FHIP1A: variants seen among roughly 807,000 people sequenced by gnomAD.
FHIP1A encodes the protein FHF complex subunit HOOK-interacting protein 1A.
Under a neutral mutation model 88.6 loss-of-function variants are expected in FHIP1A, and 61 were observed. The observed-to-expected ratio is 0.69, with a 90% confidence interval of 0.56 to 0.85. The LOEUF (loss-of-function observed/expected upper bound fraction) is 0.85, where lower values mean the gene tolerates loss of function less well. Ranked by LOEUF, FHIP1A falls within the 40% of genes least tolerant of loss-of-function variation. The pLI is 0.00. For missense variants in FHIP1A, 1,154 were observed against 1,273.5 expected, an observed-to-expected ratio of 0.91 and a Z score of 1.43; for synonymous variants, 478 against 496.0, an observed-to-expected ratio of 0.96 and a Z score of 0.48.
intron 3 of FHIP1A, among the ~76,000 whole-genome samples, chr4:151,525,911 G>C (rs564482903): frequency 6.1e-4 from 93 of 151,952 alleles, no homozygotes; most frequent in African/African-American, 2.2e-3. Context: ...GCGGCCTTCC[G>C]CAGTGTTTGT....
chr4:151,476,082 G>C (rs539058025), intron 2 of FHIP1A, among the ~76,000 whole-genome samples: 1 of 150,928 alleles, frequency 6.6e-6, no homozygotes, highest in Non-Finnish European at 1.5e-5. Flanking sequence ...GGATGGTCTC[G>C]ATCTTTTGAC....
intron 1 of FHIP1A, among the ~76,000 whole-genome samples, chr4:151,452,797 T>C (rs540766680): frequency 6.6e-6 from 1 of 151,700 alleles, no homozygotes; most frequent in South Asian, 2.1e-4. Context: ...AAAAGATACA[T>C]TTATATTCTA....
chr4:151,413,932 C>G (rs1409255408), intron 1 of FHIP1A, among the ~76,000 whole-genome samples: 6 of 152,124 alleles, frequency 3.9e-5, no homozygotes, highest in Non-Finnish European at 5.9e-5. Context: ...ACAAACCTCT[C>G]CCAGACAAGG....
intron 1 of FHIP1A, among the ~76,000 whole-genome samples, chr4:151,411,343 A>ATTCTTTTTTTTTTTTT (rs370374898): frequency 0.03 from 3,334 of 111,920 alleles, 333 homozygotes; most frequent in Non-Finnish European, 0.046. Context: ...GTGAAATTAT[A>ATTCTTTTTTTTTTTTT]TATATATTTT....
intron 1 of FHIP1A, among the ~76,000 whole-genome samples, chr4:151,429,848 C>CAAAA (rs34699507): frequency 1.9e-5 from 2 of 105,556 alleles, no homozygotes; most frequent in Admixed American, 1.0e-4. Flanking sequence ...GACTCTATCT[C>CAAAA]AAAAAAAAAA....
intron 9 of FHIP1A, among the ~76,000 whole-genome samples, chr4:151,646,253 G>C (rs1736786779): frequency 6.6e-6 from 1 of 152,238 alleles, no homozygotes. Flanking sequence ...AAAGGGGAAA[G>C]CACAGGCCAG....
chr4:151,449,983 T>C (rs1728736650), intron 1 of FHIP1A, among the ~76,000 whole-genome samples: 1 of 152,184 alleles, frequency 6.6e-6, no homozygotes, highest in East Asian at 1.9e-4. Flanking sequence ...CAGCCTTAAA[T>C]ATTGAGTACC....
At chr4:151,490,171 A>G (rs1730230522) in intron 3 of FHIP1A, among the ~76,000 whole-genome samples, 1 of 152,198 alleles carries the variant, frequency 6.6e-6, no homozygotes. Context: ...TGTCTGTGTG[A>G]CAGCTTCACA....
intron 2 of FHIP1A, among the ~76,000 whole-genome samples, chr4:151,455,828 C>G (rs1317398152): frequency 2.6e-5 from 4 of 152,086 alleles, no homozygotes; most frequent in Non-Finnish European, 5.9e-5. Context: ...CAAATAGATA[C>G]CAGGAGTCTG....
At chr4:151,423,430 G>GT (rs920210971) in intron 1 of FHIP1A, among the ~76,000 whole-genome samples, 35 of 152,252 alleles carry the variant, frequency 2.3e-4, no homozygotes, top group Middle Eastern at 3.4e-3. Context: ...ATTAGCAAGT[G>GT]TTTAACATTG....
chr4:151,440,990 C>A (rs1728390775), intron 1 of FHIP1A, among the ~76,000 whole-genome samples: 1 of 152,134 alleles, frequency 6.6e-6, no homozygotes, highest in South Asian at 2.1e-4. Context: ...GGCTGTTTTT[C>A]TTCACCCATT....
rs542161062 is a variant in FHIP1A, at chr4:151,566,276, C to T, written c.17C>T (p.Ser6Leu). 5.4e-5 allele frequency: 84 copies of T among 1,549,390 alleles called. No homozygotes were observed. The highest frequency in any genetic ancestry group is 6.5e-5 in the Non-Finnish European group (74 of 1,145,276). ...TGAAGGCTTATGATGTCATCGGTTT[C>T]GACAGAAAGCAAACTCCAGCAGGCT... MMSSV[S>L]TESKLQQAVS... The change falls in exon 4 of 14, where the codon TCG becomes TTG. Residue 6 changes from serine (S) to leucine (L), a missense_variant. Coordinates refer to ENST00000435205, the MANE Select transcript of FHIP1A (RefSeq NM_001109977.3).
At chr4:151,547,516 A>T (rs1206526727) in intron 3 of FHIP1A, among the ~76,000 whole-genome samples, 1 of 152,216 alleles carries the variant, frequency 6.6e-6, no homozygotes, top group Non-Finnish European at 1.5e-5. Flanking sequence ...TTTTTAAAAT[A>T]TGTGAAGCAC....
intron 3 of FHIP1A, among the ~76,000 whole-genome samples, chr4:151,518,467 C>T (rs1333052578): frequency 6.6e-6 from 1 of 152,166 alleles, no homozygotes; most frequent in Non-Finnish European, 1.5e-5. Flanking sequence ...ATATACTCTA[C>T]ATTTCAGCAG....
intron 5 of FHIP1A, among the ~76,000 whole-genome samples, chr4:151,578,544 G>A (rs970534553): frequency 6.6e-6 from 1 of 152,154 alleles, no homozygotes; most frequent in Non-Finnish European, 1.5e-5. Flanking sequence ...ACATGGGGGG[G>A]TGGAGTGGGA....
At chr4:151,454,291 A>G (rs1015713235) in intron 1 of FHIP1A, among the ~76,000 whole-genome samples, 5 of 152,174 alleles carry the variant, frequency 3.3e-5, no homozygotes, top group Admixed American at 1.3e-4. Context: ...ATCAAGAGCC[A>G]TTGGAGTTAT....
chr4:151,649,457 A>G lies in FHIP1A; in HGVS notation c.1418-2A>G. 6.5e-7 allele frequency: 1 copy of G among 1,543,114 alleles called. No individual in the cohort carries two copies. The highest frequency in any genetic ancestry group is 1.2e-5 in the South Asian group (1 of 81,800). On this transcript the variant is annotated splice_acceptor_variant, in intron 10 of 13. Coordinates refer to ENST00000435205, the MANE Select transcript of FHIP1A (RefSeq NM_001109977.3). LOFTEE classifies it high-confidence loss of function. The stretch of plus-strand genomic sequence containing the variant: ...TCTAACCAGCCTCTGCCTCCTGTGC[A>G]GGGCCTGTGGAGCGGCCATTCCCCG...
intron 2 of FHIP1A, among the ~76,000 whole-genome samples, chr4:151,462,078 C>G (rs1236509122): frequency 2.6e-5 from 4 of 152,112 alleles, no homozygotes; most frequent in African/African-American, 9.7e-5. Flanking sequence ...GGTAGGACCC[C>G]TTGAGCTGAG....
chr4:151,427,999 G>A (rs1733450328), intron 1 of FHIP1A, among the ~76,000 whole-genome samples: 1 of 152,092 alleles, frequency 6.6e-6, no homozygotes, highest in Non-Finnish European at 1.5e-5. Context: ...TATAATAAAG[G>A]AGAAATGATG....
Sources: gnomAD v4.1 joint callset for allele counts (sites outside exome capture counted in the v4.1 genomes callset) on GRCh38, gnomAD v4.1.1 for gene constraint, MANE v1.5 for transcripts, NCBI Gene and HGNC (gene_info 2026-07-23, HGNC 2026-07-21) for gene names.